The following MBTPS2 variants were observed in gnomAD, a reference collection of about 807,000 sequenced individuals.
MBTPS2 encodes the protein membrane-bound transcription factor site-2 protease.
MBTPS2 carries 2 observed loss-of-function variants against 35.4 expected under a neutral mutation model. The observed-to-expected ratio is 0.06, with a 90% CI of 0.02 to 0.18. The LOEUF is 0.18. Among genes scored for constraint, MBTPS2 ranks in the 10% least tolerant of loss-of-function variants. The probability of loss-of-function intolerance (pLI) is 1.00; values close to 1 mark genes in which losing one functional copy is unlikely to be tolerated. For synonymous variants in MBTPS2, 125 were observed against 140.4 expected (o/e 0.89, Z 0.77); for missense variants, 244 against 386.5 (o/e 0.63, Z 3.09).
intron 5 of MBTPS2, 130 bp downstream of exon 5, chrX:21,853,633 G>A (rs2092917187): frequency 3.2e-6 from 2 of 625,707 alleles, no homozygotes; most frequent in South Asian, 2.7e-5. Flanking sequence ...CAGTTTATAA[G>A]ACCCCTTCAA....
At chrX:21,868,261 A>G (rs758909336) in intron 5 of MBTPS2, among the ~76,000 whole-genome samples, 91 of 111,904 alleles carry the variant, frequency 8.1e-4, no homozygotes, top group Admixed American at 2.0e-3. Flanking sequence ...TGGTATTAAC[A>G]TGCCCATTTT....
intron 5 of MBTPS2, chrX:21,856,280 C>A: frequency 3.5e-6 from 1 of 287,090 alleles, no homozygotes; most frequent in Non-Finnish European, 5.6e-6. Flanking sequence ...TCCTCAGTCT[C>A]GCGCCTTTCT....
intron 7 of MBTPS2, among the ~76,000 whole-genome samples, chrX:21,876,977 T>G (rs1294435534): frequency 9.0e-6 from 1 of 111,523 alleles, no homozygotes; most frequent in Non-Finnish European, 1.9e-5. Context: ...ATATTCAAGA[T>G]TCACATTTAA....
chrX:21,862,901 CAT>C (rs1175940575), intron 5 of MBTPS2, among the ~76,000 whole-genome samples: 4 of 69,564 alleles, frequency 5.8e-5, no homozygotes, highest in Non-Finnish European at 1.1e-4. Context: ...TATATATAAA[CAT>C]ATATAAATAT....
Position 21,853,235 on chromosome X carries a change from A to C in MBTPS2, c.543-141A>C, listed in dbSNP as rs183864199. The C allele has an allele frequency of 7.6e-4, 305 of 401,550 alleles. 2 individuals are homozygous for C. Among genetic ancestry groups the C allele is most frequent in the Non-Finnish European group, 1.7e-4 (40 of 235,131 alleles). 33.1% of individuals were successfully genotyped at this position (401,550 alleles called of 1,213,427 possible). On this transcript the variant is annotated intron_variant, in intron 4 of 10. Transcript: ENST00000379484. ...TAAGATTATATATAGTATAGATATAATTTTTTTGGCTGTTCAGAGAGACTT... is the reference window on the plus strand; with the variant it reads ...TAAGATTATATATAGTATAGATATACTTTTTTTGGCTGTTCAGAGAGACTT...
intron 3 of MBTPS2, 149 bp downstream of exon 3, chrX:21,845,533 T>C: frequency 2.0e-6 from 1 of 509,793 alleles, no homozygotes; most frequent in Non-Finnish European, 3.1e-6. Context: ...ACAAAAAAAT[T>C]AATAAGAATA....
intron 3 of MBTPS2, 145 bp downstream of exon 3, chrX:21,845,529 AAATT>A (rs1423674688): frequency 5.1e-5 from 27 of 532,445 alleles, no homozygotes; most frequent in Non-Finnish European, 7.8e-5. Context: ...TTACACAAAA[AAATT>A]AATAAGAATA....
At position 21,852,175 on chromosome X, in the gene MBTPS2, T is replaced by C. The variant is rs140111706; in HGVS notation, c.542+563T>C. ...TGGTCTTGGCTTCCCAAATGTATCA[T>C]TGTAACTATACCTAAGCATTTAGAA... On this transcript the variant is annotated intron_variant, in intron 4 of 10. Coordinates refer to ENST00000379484, the MANE Select transcript of MBTPS2 (RefSeq NM_015884.4). Among the ~76,000 whole-genome samples the C allele has an allele frequency of 6.0e-3, 675 of 111,811 alleles. 2 individuals carry two copies. The highest frequency in any genetic ancestry group is 0.019 in the African/African-American group (587 of 30,765).
intron 5 of MBTPS2, chrX:21,857,753 T>A: frequency 1.6e-6 from 1 of 640,966 alleles, no homozygotes; most frequent in Non-Finnish European, 2.3e-6. Context: ...GTTAGAGTAG[T>A]AAAAATAGAA....
Position 21,883,725 on chromosome X carries a change from C to T in MBTPS2, c.*1070C>T. The T allele has an allele frequency of 1.3e-6, 1 of 753,538 alleles. No homozygotes were observed. Among genetic ancestry groups the T allele is most frequent in the Non-Finnish European group, 1.6e-6 (1 of 638,884 alleles). The allele number at this position is 753,538 out of a possible 1,213,427, so 62.1% of individuals were successfully genotyped here. On this transcript the variant is annotated 3_prime_UTR_variant, in exon 11 of 11. Coordinates refer to ENST00000379484, the MANE Select transcript of MBTPS2 (RefSeq NM_015884.4). ...GTTTTCTGTCTCTCTCCTAAGCTAC[C>T]TCTCTGGGTCCACAGAAGACTTGGT...
At chrX:21,849,781 C>G (rs1014117693) in intron 3 of MBTPS2, among the ~76,000 whole-genome samples, 1 of 105,514 alleles carries the variant, frequency 9.5e-6, no homozygotes, top group Non-Finnish European at 1.9e-5. Context: ...AATCCCAGCA[C>G]TTTGGGAGGC....
At position 21,878,490 on chromosome X, in the gene MBTPS2, T is replaced by C. The variant is rs2092955486; in HGVS notation, c.1066-7T>C. 2 of 1,172,899 alleles carry C rather than the reference T, an allele frequency of 1.7e-6. No homozygotes were observed. Among genetic ancestry groups the C allele is most frequent in the African/African-American group, 1.8e-5 (1 of 56,621 alleles). On this transcript the variant is annotated splice_region_variant and splice_polypyrimidine_tract_variant and intron_variant, in intron 8 of 10. Coordinates refer to ENST00000379484, the MANE Select transcript of MBTPS2 (RefSeq NM_015884.4). Reference sequence around the variant, plus strand: ...TTAATATTGACTGATTAATATTTTATTTATAGCATACATGTCTTCCTGCCC... The same window carrying C: ...TTAATATTGACTGATTAATATTTTACTTATAGCATACATGTCTTCCTGCCC...
At chrX:21,860,619 G>A (rs777528327) in intron 5 of MBTPS2, among the ~76,000 whole-genome samples, 2 of 111,580 alleles carry the variant, frequency 1.8e-5, no homozygotes, top group Admixed American at 1.9e-4. Flanking sequence ...AATCAGAGGG[G>A]TGATCTGGTA....
Position 21,880,987 on chromosome X carries a change from G to C in MBTPS2, c.1337+15G>C, listed in dbSNP as rs372366632. The C allele has an allele frequency of 8.8e-7, 1 of 1,136,775 alleles. No individual in the cohort carries two copies. Among genetic ancestry groups the C allele is most frequent in the Admixed American group, 2.2e-5 (1 of 45,935 alleles). 93.7% of individuals were successfully genotyped at this position (1,136,775 alleles called of 1,213,427 possible). A position where few individuals can be genotyped will look rare whatever the true frequency, so the allele number is the denominator to read the frequency against. On this transcript the variant is annotated intron_variant, in intron 10 of 10. Transcript: ENST00000379484. Reference sequence around the variant, plus strand: ...ACATTTGTCAAGTATCCTTTCTGGTGTGAAACATGTTTTAAAAGTGTGTTA... The same window carrying C: ...ACATTTGTCAAGTATCCTTTCTGGTCTGAAACATGTTTTAAAAGTGTGTTA...
intron 1 of MBTPS2, among the ~76,000 whole-genome samples, chrX:21,842,294 ACATTATTGAGCC>A (rs1250137954): frequency 8.9e-6 from 1 of 112,113 alleles, no homozygotes; most frequent in African/African-American, 3.2e-5. Context: ...AATTTAAGGG[ACATTATTGAGCC>A]CAAGATGGCT....
chrX:21,856,533 G>T (rs1223612718), intron 5 of MBTPS2: 1 of 1,209,657 alleles, frequency 8.3e-7, no homozygotes, highest in Non-Finnish European at 1.1e-6. Context: ...GGAGATCCCG[G>T]CAGATATTGT....
At chrX:21,879,151 C>A (rs751368871) in intron 9 of MBTPS2, among the ~76,000 whole-genome samples, 1 of 112,173 alleles carries the variant, frequency 8.9e-6, no homozygotes, top group Non-Finnish European at 1.9e-5. Context: ...GTGGCAGCAT[C>A]ATTGGACTAA....
intron 3 of MBTPS2, among the ~76,000 whole-genome samples, chrX:21,849,186 T>C (rs2092911984): frequency 8.9e-6 from 1 of 111,745 alleles, no homozygotes; most frequent in African/African-American, 3.3e-5. Flanking sequence ...TACTAATAGA[T>C]TTGACTACCT....
At chrX:21,880,689 C>T (rs1226214121) in intron 9 of MBTPS2, among the ~76,000 whole-genome samples, 5 of 111,545 alleles carry the variant, frequency 4.5e-5, no homozygotes, top group South Asian at 3.7e-4. Context: ...CACACTGGGA[C>T]GTATTTTTTC....
Sources: gnomAD v4.1 joint callset for allele counts (sites outside exome capture counted in the v4.1 genomes callset) on GRCh38, gnomAD v4.1.1 for gene constraint, MANE v1.5 for transcripts, NCBI Gene and HGNC (gene_info 2026-07-23, HGNC 2026-07-21) for gene names.